TTC22: variants seen among roughly 807,000 people sequenced by gnomAD.
TTC22 encodes the protein tetratricopeptide repeat protein 22.
Under a neutral mutation model 48.2 loss-of-function variants are expected in TTC22, and 42 were observed. That is an observed-to-expected ratio of 0.87 (90% CI 0.68 to 1.13). TTC22 has a LOEUF of 1.13. Among genes scored for constraint, TTC22 ranks in the 50% most tolerant of loss-of-function variants. The pLI is 0.00. For missense variants in TTC22, 784 were observed against 807.0 expected, an observed-to-expected ratio of 0.97 and a Z score of 0.34; for synonymous variants, 345 against 365.5, an observed-to-expected ratio of 0.94 and a Z score of 0.64.
At position 54,800,670 on chromosome 1, in the gene TTC22, C is replaced by T. The variant is rs962846743; in HGVS notation, c.494G>A (p.Ser165Asn). The T allele has an allele frequency of 2.8e-5, 44 of 1,553,036 alleles. No homozygotes were observed. In the Admixed American group the frequency reaches 5.9e-4, roughly 21 times the overall value. Reference protein sequence around the residue: ...YAHGFDVGCASPEERARGLAA... With the variant: ...YAHGFDVGCANPEERARGLAA... ...CAGCCCCCGCGCACGCTCCTCTGGGCTGGCGCAGCCGACGTCGAAGCCATG... is the reference window on the plus strand; with the variant it reads ...CAGCCCCCGCGCACGCTCCTCTGGGTTGGCGCAGCCGACGTCGAAGCCATG... Residue 165 changes from serine (S) to asparagine (N), a missense_variant, in exon 1 of 7, where the codon AGC becomes AAC. Ser to Asn is a conservative substitution (Grantham distance 46). Transcript: ENST00000371276.
In TTC22 at chr1:54,782,042, T is replaced by A. The variant is rs151003814; in HGVS notation, c.1174-263A>T. ...GGTTTTCTTGTACCTAAAATTATGA[T>A]ATTGTCACTTCTTGGTAAACATTCC... On this transcript the variant is annotated intron_variant, in intron 6 of 6. Transcript: ENST00000371276. 1.7e-3 allele frequency among the ~76,000 whole-genome samples: 258 copies of A among 152,360 alleles called. 2 individuals are homozygous for A. The highest frequency in any genetic ancestry group is 5.9e-3 in the African/African-American group (246 of 41,590).
Position 54,787,764 on chromosome 1 carries a change from C to A in TTC22, c.686G>T (p.Arg229Leu), listed in dbSNP as rs80076000. The change falls in exon 3 of 7, where the codon CGC (arginine) becomes CTC (leucine). Residue 229 changes from arginine to leucine, a missense_variant. Coordinates refer to ENST00000371276, the MANE Select transcript of TTC22 (RefSeq NM_001114108.2). ...CACTTGCCGGAGTAGGGCCAGCGTG[C>A]GGTTGAAGGCAGGCAGTCTCTTCTG... ...EEQKRLPAFN[R>L]TLALLRQVLK... The A allele has an allele frequency of 6.2e-7, 1 of 1,613,350 alleles. No homozygotes were observed. The highest frequency in any genetic ancestry group is 1.1e-5 in the South Asian group (1 of 90,934).
At chr1:54,789,181 G>C (rs1016053864) in intron 1 of TTC22, among the ~76,000 whole-genome samples, 1 of 152,256 alleles carries the variant, frequency 6.6e-6, no homozygotes, top group Non-Finnish European at 1.5e-5. Context: ...GCCCATGCTT[G>C]CTTCCCCACA....
In TTC22 at chr1:54,801,249, G is replaced by A. The variant is rs190062542; in HGVS notation, c.-86C>T. The A allele has an allele frequency of 6.5e-4, 913 of 1,395,220 alleles. 7 individuals carry two copies. In the African/African-American group the frequency reaches 0.012, roughly 19 times the overall value. 86.4% of individuals were successfully genotyped at this position (1,395,220 alleles called of 1,614,324 possible). A position where few individuals can be genotyped will look rare whatever the true frequency, so the allele number is the denominator to read the frequency against. ...TGGGGGCGTTCCCCGAGCGAGCTCC[G>A]TGCGGGAGGCGAGGGGCAGCCGGCA... On this transcript the variant is annotated 5_prime_UTR_variant, in exon 1 of 7. It adds an upstream start codon to the 5' untranslated region. Coordinates refer to ENST00000371276, the MANE Select transcript of TTC22 (RefSeq NM_001114108.2).
intron 4 of TTC22, 26 bp downstream of exon 4, chr1:54,786,930 AG>A: frequency 8.2e-7 from 1 of 1,225,952 alleles, no homozygotes; most frequent in East Asian, 2.7e-5. Flanking sequence ...CTCAGTTTAG[AG>A]GGTGGGTGTG....
chr1:54,798,995 G>A (rs1315131666), intron 1 of TTC22, among the ~76,000 whole-genome samples: 2 of 152,198 alleles, frequency 1.3e-5, no homozygotes, highest in Admixed American at 1.3e-4. Flanking sequence ...CATCCTGCCT[G>A]CAACTATTTC....
rs117342798 is a variant in TTC22, at chr1:54,789,362, G to A, written c.568-1265C>T. Among the ~76,000 whole-genome samples the A allele has an allele frequency of 1.2e-3, 186 of 152,366 alleles. 1 individual carries two copies. The East Asian group carries it at 0.02, about 17-fold the overall frequency. The stretch of plus-strand genomic sequence containing the variant: ...GGTGGGCTCCAGATGGAGGGCTCCC[G>A]TGAGCAGAGGCCTGGAGACGTTGGG... On this transcript the variant is annotated intron_variant, in intron 1 of 6. Transcript: ENST00000371276.
chr1:54,781,881 T>C lies in TTC22; in HGVS notation c.1174-102A>G, dbSNP rs1646266237. The C allele has an allele frequency of 1.5e-5, 15 of 1,025,948 alleles. No individual in the cohort carries two copies. In the South Asian group the frequency reaches 2.9e-4, roughly 20 times the overall value. 63.6% of individuals were successfully genotyped at this position (1,025,948 alleles called of 1,614,324 possible). On this transcript the variant is annotated intron_variant, in intron 6 of 6. Transcript: ENST00000371276. ...AAAAAAAATTCCACTCCTTCACTCATTCCCACCCTCTCTCCATCGACAATT... is the reference window on the plus strand; with the variant it reads ...AAAAAAAATTCCACTCCTTCACTCACTCCCACCCTCTCTCCATCGACAATT...
chr1:54,792,520 C>T (rs1006712568), intron 1 of TTC22, among the ~76,000 whole-genome samples: 10 of 152,122 alleles, frequency 6.6e-5, no homozygotes, highest in South Asian at 2.1e-4. Flanking sequence ...ACGCAACCTC[C>T]GCCTCCGGGT....
At chr1:54,793,293 G>A (rs1646366965) in intron 1 of TTC22, among the ~76,000 whole-genome samples, 1 of 152,210 alleles carries the variant, frequency 6.6e-6, no homozygotes, top group Non-Finnish European at 1.5e-5. Context: ...TGAGCTGAAG[G>A]TGAGCATGAG....
At chr1:54,783,325 A>G (rs1005097366) in intron 5 of TTC22, among the ~76,000 whole-genome samples, 3 of 152,212 alleles carry the variant, frequency 2.0e-5, no homozygotes, top group African/African-American at 4.8e-5. Flanking sequence ...GCTATTAGCC[A>G]TGTCATCTGG....
chr1:54,785,871 T>G, intron 5 of TTC22, 112 bp downstream of exon 5: 1 of 1,034,200 alleles, frequency 9.7e-7, no homozygotes, highest in Non-Finnish European at 1.4e-6. Flanking sequence ...CTAAGCTCCC[T>G]TCCACCATGA....
rs373072866 is a variant in TTC22 at position 54,800,882 on chromosome 1, G to A, written c.282C>T (p.His94=). 1.2e-4 allele frequency: 193 copies of A among 1,610,648 alleles called. 1 individual carries two copies. The highest frequency in any genetic ancestry group is 4.2e-4 in the East Asian group (19 of 44,798). Residue 94 remains histidine (H), a synonymous_variant, in exon 1 of 7, where the codon CAC becomes CAT. Transcript: ENST00000371276. ...EARECFLEVA[H]EHPGNLNAWA... is the part of the protein sequence containing the mutation. ...AGGCATTGAGGTTGCCCGGGTGCTC[G>A]TGGGCCACCTCGAGGAAGCACTCGC...
chr1:54,783,859 G>A (rs1486303120), intron 5 of TTC22, among the ~76,000 whole-genome samples: 1 of 152,082 alleles, frequency 6.6e-6, no homozygotes, highest in Non-Finnish European at 1.5e-5. Flanking sequence ...TTAGCTGGGC[G>A]GGTGTTGTGG....
chr1:54,785,470 T>C (rs777340542), intron 5 of TTC22: 12 of 407,170 alleles, frequency 2.9e-5, no homozygotes, highest in Non-Finnish European at 4.4e-5. Context: ...CCAGGAATTG[T>C]AGAAGGGATT....
intron 1 of TTC22, among the ~76,000 whole-genome samples, chr1:54,797,989 T>C (rs1470229433): frequency 2.6e-5 from 4 of 152,030 alleles, no homozygotes; most frequent in African/African-American, 9.7e-5. Flanking sequence ...TCCTCCCCAG[T>C]CTCTGGACAC....
chr1:54,796,230 G>T (rs577809514), intron 1 of TTC22, among the ~76,000 whole-genome samples: 4 of 152,390 alleles, frequency 2.6e-5, no homozygotes, highest in Admixed American at 6.5e-5. Context: ...GCATACCAGG[G>T]ATCCTGGGCT....
At chr1:54,794,994 C>T (rs974122090) in intron 1 of TTC22, 6 of 152,364 alleles carry the variant, frequency 3.9e-5, no homozygotes, top group Admixed American at 1.3e-4. Context: ...CACTGAGCCC[C>T]GCCCCACCTG....
rs2101436758 is a variant in TTC22, at chr1:54,781,762, G to A, written c.1191C>T (p.Gly397=). The part of the protein sequence containing the change: ...LDIGQVYYYM[G]VDAVQELLAV... The stretch of plus-strand genomic sequence containing the variant: ...CCAGCAGCTCCTGCACCGCGTCCAC[G>A]CCCATATAGTAGTAGACCTGGGGTC... The change falls in exon 7 of 7, where the codon GGC becomes GGT. Residue 397 remains glycine, a synonymous_variant. Coordinates refer to ENST00000371276, the MANE Select transcript of TTC22 (RefSeq NM_001114108.2). 3 of 1,474,506 alleles carry A rather than the reference G, an allele frequency of 2.0e-6. No individual in the cohort carries two copies. Among genetic ancestry groups the A allele is most frequent in the Middle Eastern group, 1.9e-4 (1 of 5,308 alleles). The allele number at this position is 1,474,506 out of a possible 1,614,324, so 91.3% of individuals were successfully genotyped here. A position where few individuals can be genotyped will look rare whatever the true frequency, so the allele number is the denominator to read the frequency against.
Sources: gnomAD v4.1 joint callset for allele counts (sites outside exome capture counted in the v4.1 genomes callset) on GRCh38, gnomAD v4.1.1 for gene constraint, MANE v1.5 for transcripts, NCBI Gene and HGNC (gene_info 2026-07-23, HGNC 2026-07-21) for gene names.